CASK: variants seen among roughly 807,000 people sequenced by gnomAD.
The protein encoded by CASK is peripheral plasma membrane protein CASK.
In CASK, 4 loss-of-function variants were observed where a neutral mutation model predicts 82.9. The ratio of observed to expected loss-of-function variants is 0.05; its 90% CI spans 0.02 to 0.11. The LOEUF (loss-of-function observed/expected upper bound fraction) is 0.11. Ranked by LOEUF, CASK falls within the 10% of genes least tolerant of loss-of-function variation. The pLI is 1.00. For synonymous variants in CASK, 259 were observed against 253.5 expected (o/e 1.02, Z -0.20); for missense variants, 358 against 720.9 (o/e 0.50, Z 5.76).
At chrX:41,598,267 T>C (rs1342686124) in intron 12 of CASK, among the ~76,000 whole-genome samples, 1 of 112,031 alleles carries the variant, frequency 8.9e-6, no homozygotes, top group Non-Finnish European at 1.9e-5. Flanking sequence ...ATGGGCAACG[T>C]AAGTGTGAAA....
intron 2 of CASK, among the ~76,000 whole-genome samples, chrX:41,803,848 A>G (rs1368932819): frequency 1.9e-5 from 2 of 106,907 alleles, no homozygotes; most frequent in African/African-American, 6.6e-5. Flanking sequence ...AAATAGTAAT[A>G]TATGTTGCTG....
chrX:41,895,287 A>G (rs1159372816), intron 1 of CASK, among the ~76,000 whole-genome samples: 1 of 112,114 alleles, frequency 8.9e-6, no homozygotes, highest in African/African-American at 3.2e-5. Context: ...GAGCTTCCGA[A>G]CTTATCTGTA....
chrX:41,762,186 C>T (rs1470519058), intron 3 of CASK, among the ~76,000 whole-genome samples: 2 of 112,003 alleles, frequency 1.8e-5, no homozygotes, highest in Non-Finnish European at 3.8e-5. Flanking sequence ...AAATCTGGCT[C>T]CAGGTTCCTT....
At chrX:41,817,372 G>A (rs759867411) in intron 2 of CASK, among the ~76,000 whole-genome samples, 1 of 111,876 alleles carries the variant, frequency 8.9e-6, no homozygotes, top group Non-Finnish European at 1.9e-5. Flanking sequence ...GCCAGTCAGT[G>A]CAATAAGGCC....
chrX:41,648,405 C>T (rs1195957175), intron 8 of CASK, among the ~76,000 whole-genome samples: 1 of 111,439 alleles, frequency 9.0e-6, no homozygotes, highest in Non-Finnish European at 1.9e-5. Context: ...CCTGTGATCT[C>T]GCCCTGCCTC....
At chrX:41,554,924 A>C (rs1461649730) in intron 20 of CASK, among the ~76,000 whole-genome samples, 1 of 112,192 alleles carries the variant, frequency 8.9e-6, no homozygotes, top group East Asian at 2.8e-4. Context: ...GTCACTGTAA[A>C]ACCAACCTGA....
At chrX:41,900,904 C>T (rs1389692137) in intron 1 of CASK, among the ~76,000 whole-genome samples, 1 of 108,954 alleles carries the variant, frequency 9.2e-6, no homozygotes, top group Non-Finnish European at 1.9e-5. Flanking sequence ...TGCCATGACA[C>T]CTGGCTAATT....
chrX:41,918,767 C>G (rs978732327), intron 1 of CASK, among the ~76,000 whole-genome samples: 2 of 112,489 alleles, frequency 1.8e-5, no homozygotes, highest in Admixed American at 1.9e-4. Context: ...GAATTGTAAG[C>G]CTCTGAAAAG....
At chrX:41,624,259 C>T (rs759622087) in intron 10 of CASK, 2 of 353,372 alleles carry the variant, frequency 5.7e-6, no homozygotes, top group Non-Finnish European at 1.1e-5. Flanking sequence ...GAAGAAAAGA[C>T]AGACGTGAAA....
chrX:41,582,263 C>T (rs770734171), intron 14 of CASK, among the ~76,000 whole-genome samples: 30 of 112,186 alleles, frequency 2.7e-4, no homozygotes, highest in Non-Finnish European at 4.7e-4. Context: ...CTACTGCAAT[C>T]AGGAGAAAAC....
chrX:41,789,453 G>T (rs1293987139), intron 2 of CASK, among the ~76,000 whole-genome samples: 1 of 111,458 alleles, frequency 9.0e-6, no homozygotes, highest in Non-Finnish European at 1.9e-5. Context: ...GAGATCAGAG[G>T]CACAGGAAAG....
At chrX:41,595,928 G>C (rs2065814002) in intron 12 of CASK, among the ~76,000 whole-genome samples, 1 of 111,796 alleles carries the variant, frequency 8.9e-6, no homozygotes, top group African/African-American at 3.3e-5. Context: ...AAAACTATTA[G>C]CTACTCAATT....
intron 4 of CASK, among the ~76,000 whole-genome samples, chrX:41,742,117 A>G (rs181051284): frequency 8.9e-6 from 1 of 111,997 alleles, no homozygotes; most frequent in East Asian, 2.8e-4. Flanking sequence ...TTAATAGGAT[A>G]TCTCTGGCTA....
Position 41,678,001 on chromosome X carries a change from T to A in CASK, c.430-6471A>T, listed in dbSNP as rs955244708. 5.3e-5 allele frequency among the ~76,000 whole-genome samples: 6 copies of A among 112,726 alleles called. No individual in the cohort carries two copies. In the South Asian group the frequency reaches 1.8e-3, roughly 34 times the overall value. ...ATTTTAACATAAATGTAATTTAACC[T>A]GTTAATAGTTCAGTATTTCTAACAC... On this transcript the variant is annotated intron_variant, in intron 5 of 26. Coordinates refer to ENST00000378163, the MANE Select transcript of CASK (RefSeq NM_001367721.1).
intron 2 of CASK, among the ~76,000 whole-genome samples, chrX:41,806,549 T>C (rs1310499547): frequency 8.9e-6 from 1 of 112,278 alleles, no homozygotes; most frequent in African/African-American, 3.2e-5. Context: ...TGCCCTACAA[T>C]GCTATGCACT....
intron 1 of CASK, among the ~76,000 whole-genome samples, chrX:41,886,547 T>C (rs2072052037): frequency 8.9e-6 from 1 of 111,841 alleles, no homozygotes; most frequent in Admixed American, 9.5e-5. Context: ...AAAAGGCATA[T>C]ATGCAGATAT....
chrX:41,715,866 G>A (rs1467771392), intron 5 of CASK, among the ~76,000 whole-genome samples: 1 of 112,313 alleles, frequency 8.9e-6, no homozygotes, highest in Non-Finnish European at 1.9e-5. Context: ...CTGTGGGGCA[G>A]ATTTCCCTGG....
chrX:41,684,926 T>C (rs1017047593), intron 5 of CASK, among the ~76,000 whole-genome samples: 12 of 112,042 alleles, frequency 1.1e-4, no homozygotes, highest in Non-Finnish European at 2.1e-4. Context: ...TGCAGCTATG[T>C]AAAGGAATTC....
At chrX:41,605,447 A>C (rs2065944568) in intron 12 of CASK, among the ~76,000 whole-genome samples, 3 of 109,891 alleles carry the variant, frequency 2.7e-5, no homozygotes. Flanking sequence ...TCTTCAAAAA[A>C]AAAAAAGGGC....
Sources: gnomAD v4.1 joint callset for allele counts (sites outside exome capture counted in the v4.1 genomes callset) on GRCh38, gnomAD v4.1.1 for gene constraint, MANE v1.5 for transcripts, NCBI Gene and HGNC (gene_info 2026-07-23, HGNC 2026-07-21) for gene names.